Variants in NPEPPS observed in about 807,000 individuals in gnomAD.
NPEPPS encodes aminopeptidase puromycin sensitive.
NPEPPS carries 14 observed loss-of-function variants against 115.5 expected under a neutral mutation model. The observed-to-expected ratio is 0.12, with a 90% CI of 0.08 to 0.19. The LOEUF (loss-of-function observed/expected upper bound fraction) is 0.19, where lower values mean the gene tolerates loss of function less well. Ranked by LOEUF, NPEPPS falls within the 10% of genes least tolerant of loss-of-function variation. NPEPPS has a pLI of 1.00. For missense variants in NPEPPS, 523 were observed against 1,110.8 expected, an observed-to-expected ratio of 0.47 and a Z score of 7.52; for synonymous variants, 285 against 390.6, an observed-to-expected ratio of 0.73 and a Z score of 3.19.
intron 13 of NPEPPS, among the ~76,000 whole-genome samples, chr17:47,598,052 T>C (rs1325995494): frequency 6.6e-6 from 1 of 152,214 alleles, no homozygotes; most frequent in African/African-American, 2.4e-5. Flanking sequence ...TTGGGACTAG[T>C]CTTGTTATAG....
chr17:47,531,735 G>T (rs1317699599), intron 1 of NPEPPS, among the ~76,000 whole-genome samples, 180 bp downstream of exon 1: 8 of 149,942 alleles, frequency 5.3e-5, no homozygotes, highest in Non-Finnish European at 8.9e-5. Flanking sequence ...TGGGGCTGGG[G>T]CTGGGGCCGG....
rs770235253 is a variant in NPEPPS at position 47,590,689 on chromosome 17, T to C, written c.1096-28T>C. The C allele has an allele frequency of 1.9e-6, 3 of 1,602,652 alleles. No individual in the cohort carries two copies. The Admixed American group carries it at 5.1e-5, about 27-fold the overall frequency. Reference sequence around the variant, plus strand: ...GTAGAATGACAATCATTTCATTTTCTTTAAGTATTTTCATCTTTTGTTTTT... The same window carrying C: ...GTAGAATGACAATCATTTCATTTTCCTTAAGTATTTTCATCTTTTGTTTTT... On this transcript the variant is annotated intron_variant, in intron 9 of 22. Coordinates refer to ENST00000322157, the MANE Select transcript of NPEPPS (RefSeq NM_006310.4).
At chr17:47,617,784 C>T (rs570438667) in intron 19 of NPEPPS, among the ~76,000 whole-genome samples, 11 of 152,244 alleles carry the variant, frequency 7.2e-5, no homozygotes, top group Non-Finnish European at 1.6e-4. Flanking sequence ...TTAAACTGGT[C>T]TGAACTAATG....
chr17:47,620,923 C>T (rs994833107), intron 22 of NPEPPS, among the ~76,000 whole-genome samples: 1 of 152,086 alleles, frequency 6.6e-6, no homozygotes, highest in African/African-American at 2.4e-5. Context: ...TGTTGGATTC[C>T]TGTAATTCCA....
At chr17:47,552,835 TTACTC>T (rs1909741387) in intron 2 of NPEPPS, among the ~76,000 whole-genome samples, 1 of 152,274 alleles carries the variant, frequency 6.6e-6, no homozygotes, top group Non-Finnish European at 1.5e-5. Context: ...AGTTTAGTGT[TTACTC>T]TATACCAGGC....
rs80040289 is a variant in NPEPPS, at chr17:47,623,022, A to C, written c.*1102A>C. On this transcript the variant is annotated 3_prime_UTR_variant, in exon 23 of 23. Coordinates refer to ENST00000322157, the MANE Select transcript of NPEPPS (RefSeq NM_006310.4). ...CTGTTTGCTTCAACAGTATATCCTAATAAGCCTCACCTATTTAATCCAATG... is the reference window on the plus strand; with the variant it reads ...CTGTTTGCTTCAACAGTATATCCTACTAAGCCTCACCTATTTAATCCAATG... The C allele has an allele frequency of 1.0e-5, 3 of 287,752 alleles. No individual in the cohort carries two copies. The highest frequency in any genetic ancestry group is 5.9e-5 in the South Asian group (2 of 34,114). 17.8% of individuals were successfully genotyped at this position (287,752 alleles called of 1,614,324 possible).
intron 2 of NPEPPS, among the ~76,000 whole-genome samples, chr17:47,551,981 C>T (rs76459353): frequency 0.41 from 35,765 of 87,492 alleles, 7,883 homozygotes; most frequent in Non-Finnish European, 0.5. Context: ...TTTTTTTTTT[C>T]TTTTTTTTTT....
intron 18 of NPEPPS, among the ~76,000 whole-genome samples, chr17:47,612,812 G>A (rs1045786351): frequency 6.6e-5 from 10 of 151,866 alleles, no homozygotes; most frequent in Admixed American, 3.9e-4. Flanking sequence ...TACAGGCGCC[G>A]CCACCACGCC....
At chr17:47,583,155 CTT>C (rs901025144) in intron 5 of NPEPPS, among the ~76,000 whole-genome samples, 1 of 151,760 alleles carries the variant, frequency 6.6e-6, no homozygotes, top group African/African-American at 2.4e-5. Flanking sequence ...GCCAAGACCT[CTT>C]TTTCTTGATA....
At chr17:47,610,420 T>C (rs1913779062) in intron 17 of NPEPPS, among the ~76,000 whole-genome samples, 1 of 151,752 alleles carries the variant, frequency 6.6e-6, no homozygotes, top group African/African-American at 2.4e-5. Context: ...AGTCTCACAC[T>C]GTTGCCAGGT....
chr17:47,585,912 A>G, intron 6 of NPEPPS: 1 of 576,228 alleles, frequency 1.7e-6, no homozygotes, highest in Non-Finnish European at 3.1e-6. Context: ...GAATTTCTCT[A>G]GGGAATGGGT....
At chr17:47,583,557 C>A (rs1260640293) in intron 5 of NPEPPS, among the ~76,000 whole-genome samples, 2 of 151,752 alleles carry the variant, frequency 1.3e-5, no homozygotes, top group African/African-American at 2.4e-5. Context: ...TGCACTCCAG[C>A]CTGGGTGACA....
intron 3 of NPEPPS, among the ~76,000 whole-genome samples, chr17:47,570,889 A>G (rs530552827): frequency 6.6e-6 from 1 of 152,332 alleles, no homozygotes; most frequent in African/African-American, 2.4e-5. Flanking sequence ...TTCTGGCAGT[A>G]TATCAAGAGC....
intron 4 of NPEPPS, chr17:47,580,591 C>T (rs1318693256): frequency 6.6e-6 from 1 of 152,096 alleles, no homozygotes; most frequent in Non-Finnish European, 1.5e-5. Flanking sequence ...CCATGTTATT[C>T]TCCCTATTAG....
At chr17:47,599,826 CT>C (rs34538095) in intron 14 of NPEPPS, 87 bp downstream of exon 14, 358,642 of 889,812 alleles carry the variant, frequency 0.4, 30,824 homozygotes, top group Middle Eastern at 0.48. Context: ...GGAAATTTTT[CT>C]TTTTTTTTTT....
At chr17:47,571,743 A>C (rs1911205875) in intron 3 of NPEPPS, among the ~76,000 whole-genome samples, 1 of 152,110 alleles carries the variant, frequency 6.6e-6, no homozygotes, top group Admixed American at 6.5e-5. Context: ...ACAAAACAAA[A>C]AATGCTTTGC....
intron 1 of NPEPPS, among the ~76,000 whole-genome samples, chr17:47,535,897 C>T (rs1354541634): frequency 3.8e-5 from 5 of 132,816 alleles, no homozygotes; most frequent in Admixed American, 2.8e-4. Context: ...AGTGCAGTGG[C>T]GGGATCTTGG....
At chr17:47,576,172 A>T (rs1256900067) in intron 3 of NPEPPS, among the ~76,000 whole-genome samples, 1 of 152,180 alleles carries the variant, frequency 6.6e-6, no homozygotes, top group Non-Finnish European at 1.5e-5. Flanking sequence ...TAGTGATTAA[A>T]TTACCATAAT....
chr17:47,563,015 G>GT (rs11387776), intron 2 of NPEPPS, among the ~76,000 whole-genome samples: 479 of 149,906 alleles, frequency 3.2e-3, no homozygotes, highest in African/African-American at 0.011. Flanking sequence ...TAATGCCATG[G>GT]TTTTTTTGTT....
Sources: gnomAD v4.1 joint callset for allele counts (sites outside exome capture counted in the v4.1 genomes callset) on GRCh38, gnomAD v4.1.1 for gene constraint, MANE v1.5 for transcripts, NCBI Gene and HGNC (gene_info 2026-07-23, HGNC 2026-07-21) for gene names.